EEIG1: variants seen among roughly 807,000 people sequenced by gnomAD.
EEIG1 encodes early estrogen-induced gene 1 protein.
At chr9:127,975,188 G>A in the EEIG1 span, among the ~76,000 whole-genome samples, 1 of 152,240 alleles carries the variant, frequency 6.6e-6, no homozygotes, top group Non-Finnish European at 1.5e-5. Context: ...GACTGGGCCT[G>A]GCGTGGGGCC....
At chr9:127,946,778 G>A in the EEIG1 span, among the ~76,000 whole-genome samples, 1 of 152,190 alleles carries the variant, frequency 6.6e-6, no homozygotes, top group Non-Finnish European at 1.5e-5. Flanking sequence ...CTGGGCCCTT[G>A]AGGTCAGAGG....
At chr9:127,970,670 G>C in the EEIG1 span, among the ~76,000 whole-genome samples, 3 of 152,112 alleles carry the variant, frequency 2.0e-5, no homozygotes, top group Non-Finnish European at 4.4e-5. Context: ...CTACAAATGT[G>C]ACTCGGATTC....
chr9:127,965,693 A>C, the EEIG1 span, among the ~76,000 whole-genome samples: 1 of 152,244 alleles, frequency 6.6e-6, no homozygotes, highest in African/African-American at 2.4e-5. Context: ...AACCCAGCCC[A>C]GGCCAGAGAG....
At chr9:127,941,635 C>T in the EEIG1 span, 1 of 152,350 alleles carries the variant, frequency 6.6e-6, no homozygotes, top group Non-Finnish European at 1.5e-5. Flanking sequence ...GACCAAGAAG[C>T]CCAACTCTCA....
At chr9:127,945,781 A>ACCCCTGTCACCTCACCCCCT in the EEIG1 span, 2 of 1,475,408 alleles carry the variant, frequency 1.4e-6, no homozygotes, top group South Asian at 1.2e-5. The surrounding 1 kb of genome is among the most constrained non-coding windows in gnomAD (Gnocchi z 6.5). Flanking sequence ...GCAGGGGGTG[A>ACCCCTGTCACCTCACCCCCT]GGTGACAGGG....
the EEIG1 span, chr9:127,953,435 A>G: frequency 2.8e-6 from 2 of 721,122 alleles, no homozygotes; most frequent in Non-Finnish European, 4.9e-6. Flanking sequence ...ATCAATAAAG[A>G]TATTTCTAAA....
the EEIG1 span, among the ~76,000 whole-genome samples, chr9:127,973,478 C>T: frequency 5.4e-4 from 83 of 152,318 alleles, no homozygotes; most frequent in Middle Eastern, 3.4e-3. This position sits in a 1 kb window ranked among gnomAD's most constrained non-coding sequence, Gnocchi z 4.2. Flanking sequence ...CCTGGCTCCA[C>T]GAAGCCAGAT....
the EEIG1 span, among the ~76,000 whole-genome samples, chr9:127,947,247 G>A: frequency 8.0e-6 from 1 of 124,298 alleles, no homozygotes; most frequent in Middle Eastern, 5.7e-3. Flanking sequence ...GTGAAATCCA[G>A]TCTCTACTAA....
the EEIG1 span, chr9:127,943,883 G>A: frequency 6.5e-6 from 1 of 154,478 alleles, no homozygotes; most frequent in East Asian, 1.9e-4. Context: ...GCAGGAGTCA[G>A]CAGAGCAGCT....
chr9:127,945,320 A>G, the EEIG1 span: 1 of 1,412,924 alleles, frequency 7.1e-7, no homozygotes. The surrounding 1 kb of genome is among the most constrained non-coding windows in gnomAD (Gnocchi z 6.5). Flanking sequence ...TCAAGGCACC[A>G]CCGGGAGAGG....
chr9:127,973,711 G>A, the EEIG1 span, among the ~76,000 whole-genome samples: 11 of 152,160 alleles, frequency 7.2e-5, no homozygotes, highest in African/African-American at 2.7e-4. The surrounding 1 kb of genome is among the most constrained non-coding windows in gnomAD (Gnocchi z 4.2). Flanking sequence ...CTCGCTGCCC[G>A]GGCTGGCCTC....
chr9:127,959,014 G>A, the EEIG1 span, among the ~76,000 whole-genome samples: 4 of 152,218 alleles, frequency 2.6e-5, no homozygotes, highest in East Asian at 3.8e-4. Flanking sequence ...AATCAAAGGC[G>A]AAGATGTGGA....
the EEIG1 span, among the ~76,000 whole-genome samples, chr9:127,968,635 C>T: frequency 6.6e-6 from 1 of 152,218 alleles, no homozygotes; most frequent in Admixed American, 6.5e-5. Flanking sequence ...GGCCAGGGGT[C>T]ACTGCCATTG....
chr9:127,951,391 G>A, the EEIG1 span, among the ~76,000 whole-genome samples: 1 of 152,210 alleles, frequency 6.6e-6, no homozygotes, highest in African/African-American at 2.4e-5. Context: ...AATCAGGGAT[G>A]AGTGTCAAGT....
the EEIG1 span, among the ~76,000 whole-genome samples, chr9:127,971,775 GA>G: frequency 6.6e-6 from 1 of 152,230 alleles, no homozygotes; most frequent in African/African-American, 2.4e-5. Context: ...GCCTTGAGAT[GA>G]GGGCCCACAG....
the EEIG1 span, among the ~76,000 whole-genome samples, chr9:127,964,156 C>CCA: frequency 6.6e-6 from 1 of 152,182 alleles, no homozygotes; most frequent in African/African-American, 2.4e-5. Flanking sequence ...GGAGCCCCAT[C>CCA]TTGGTGAGCC....
At chr9:127,944,017 T>C in the EEIG1 span, 1 of 154,202 alleles carries the variant, frequency 6.5e-6, no homozygotes. Flanking sequence ...CACTCGCTCA[T>C]TCATTTGGTT....
At chr9:127,945,317 A>G in the EEIG1 span, 1 of 1,402,002 alleles carries the variant, frequency 7.1e-7, no homozygotes, top group African/African-American at 1.4e-5. This position sits in a 1 kb window ranked among gnomAD's most constrained non-coding sequence, Gnocchi z 6.5. Context: ...GGTTCAAGGC[A>G]CCACCGGGAG....
chr9:127,944,173 T>C, the EEIG1 span: 8 of 217,956 alleles, frequency 3.7e-5, no homozygotes, highest in East Asian at 1.0e-3. Context: ...GCAGCCTGCA[T>C]TGAACCAGGC....
Sources: gnomAD v4.1 joint callset for allele counts (sites outside exome capture counted in the v4.1 genomes callset) on GRCh38, gnomAD v4.1.1 for gene constraint, Gnocchi (gnomAD v3.1) non-coding constraint, MANE v1.5 for transcripts, NCBI Gene and HGNC (gene_info 2026-07-23, HGNC 2026-07-21) for gene names.